KIF6: variants seen among roughly 807,000 people sequenced by gnomAD.
KIF6 encodes the protein kinesin family member 6.
KIF6 carries 106 observed loss-of-function variants against 112.7 expected under a neutral mutation model. The observed-to-expected ratio is 0.94, with a 90% CI of 0.80 to 1.11. KIF6 has a LOEUF of 1.11. KIF6 is among the 50% of genes least tolerant of loss of function. The probability of loss-of-function intolerance (pLI) is 0.00; values close to 1 mark genes in which losing one functional copy is unlikely to be tolerated. For missense variants in KIF6, 929 were observed against 964.0 expected (o/e 0.96, Z 0.48); for synonymous variants, 339 against 339.9 (o/e 1.00, Z 0.03).
chr6:39,348,448 G>A (rs1230543186), intron 19 of KIF6, among the ~76,000 whole-genome samples: 1 of 152,142 alleles, frequency 6.6e-6, no homozygotes, highest in African/African-American at 2.4e-5. Context: ...GGGCTCTCGA[G>A]GGAAATGACT....
At chr6:39,448,856 A>G (rs1305644113) in intron 13 of KIF6, among the ~76,000 whole-genome samples, 2 of 152,198 alleles carry the variant, frequency 1.3e-5, no homozygotes, top group African/African-American at 4.8e-5. Flanking sequence ...GGCATATCAA[A>G]CTTAACATAC....
chr6:39,649,487 C>T lies in KIF6; in HGVS notation c.252-9730G>A, dbSNP rs570480914. ...CATACTGGTTATTAAACTAGAGTCACAAAGAAAGAGACCCACAGGCAAAAT... is the reference window on the plus strand; with the variant it reads ...CATACTGGTTATTAAACTAGAGTCATAAAGAAAGAGACCCACAGGCAAAAT... On this transcript the variant is annotated intron_variant, in intron 3 of 22. Coordinates refer to ENST00000287152, the MANE Select transcript of KIF6 (RefSeq NM_145027.6). Among the ~76,000 whole-genome samples, 37 of 152,260 alleles carry T rather than the reference C, an allele frequency of 2.4e-4. No individual in the cohort carries two copies. In the South Asian group the frequency reaches 7.5e-3, roughly 31 times the overall value.
chr6:39,620,556 T>C (rs532876444), intron 5 of KIF6: 1 of 152,254 alleles, frequency 6.6e-6, no homozygotes, highest in African/African-American at 2.4e-5. Flanking sequence ...TTATTATTTT[T>C]CCAACTATAA....
intron 4 of KIF6, among the ~76,000 whole-genome samples, chr6:39,637,848 C>T (rs530597067): frequency 2.0e-5 from 3 of 152,000 alleles, no homozygotes; most frequent in South Asian, 2.1e-4. Flanking sequence ...CCAATGGGCT[C>T]GCTGCAAGTC....
At chr6:39,706,452 T>A (rs1024073820) in intron 3 of KIF6, among the ~76,000 whole-genome samples, 4 of 152,234 alleles carry the variant, frequency 2.6e-5, no homozygotes, top group Non-Finnish European at 5.9e-5. Context: ...ATGGAGCTTG[T>A]CAAGGTCATC....
chr6:39,543,382 GT>G (rs1778899567), intron 12 of KIF6, among the ~76,000 whole-genome samples: 1 of 152,092 alleles, frequency 6.6e-6, no homozygotes, highest in Non-Finnish European at 1.5e-5. Context: ...GTGTGTGTGT[GT>G]GGGTGGGGGG....
At chr6:39,476,433 T>C (rs1252180357) in intron 13 of KIF6, among the ~76,000 whole-genome samples, 1 of 152,112 alleles carries the variant, frequency 6.6e-6, no homozygotes, top group Non-Finnish European at 1.5e-5. Context: ...TTGTGGCTTA[T>C]GGTATTTTGA....
At chr6:39,464,471 TC>T (rs1273416724) in intron 13 of KIF6, among the ~76,000 whole-genome samples, 1 of 152,132 alleles carries the variant, frequency 6.6e-6, no homozygotes, top group Non-Finnish European at 1.5e-5. Context: ...AACTTAAGGG[TC>T]CCAGTGAAGT....
chr6:39,577,757 GTGTTT>G (rs1781049647), intron 10 of KIF6, among the ~76,000 whole-genome samples: 1 of 152,192 alleles, frequency 6.6e-6, no homozygotes, highest in Non-Finnish European at 1.5e-5. Flanking sequence ...TTTGGTGTGT[GTGTTT>G]TAAAATTGCA....
At chr6:39,598,192 TA>T (rs1782380424) in intron 6 of KIF6, among the ~76,000 whole-genome samples, 1 of 151,512 alleles carries the variant, frequency 6.6e-6, no homozygotes, top group Non-Finnish European at 1.5e-5. Flanking sequence ...ATCTCAAAAA[TA>T]AATAAATAAA....
intron 11 of KIF6, among the ~76,000 whole-genome samples, chr6:39,545,077 T>G (rs1778994756): frequency 6.6e-6 from 1 of 152,244 alleles, no homozygotes; most frequent in African/African-American, 2.4e-5. Flanking sequence ...CTCCATGACT[T>G]GCTTATTAAA....
At chr6:39,449,589 T>C (rs553267494) in intron 13 of KIF6, among the ~76,000 whole-genome samples, 36 of 152,336 alleles carry the variant, frequency 2.4e-4, no homozygotes, top group African/African-American at 7.0e-4. Flanking sequence ...TATCCTTCCT[T>C]AGCACTTATC....
At chr6:39,414,396 C>G (rs1365349230) in intron 15 of KIF6, among the ~76,000 whole-genome samples, 7 of 152,206 alleles carry the variant, frequency 4.6e-5, no homozygotes, top group Non-Finnish European at 1.0e-4. Flanking sequence ...TTCTCCAAAC[C>G]ACTGAAAATG....
intron 13 of KIF6, among the ~76,000 whole-genome samples, chr6:39,533,711 T>C (rs1778223674): frequency 6.6e-6 from 1 of 152,212 alleles, no homozygotes; most frequent in African/African-American, 2.4e-5. Flanking sequence ...AGAGCAGTGG[T>C]TCTCCCAGCA....
chr6:39,358,629 C>T (rs897545510), intron 18 of KIF6, among the ~76,000 whole-genome samples: 3 of 152,214 alleles, frequency 2.0e-5, no homozygotes, highest in African/African-American at 7.2e-5. Context: ...GGGAAGGCCT[C>T]ATTCACTGAT....
At chr6:39,481,778 C>T (rs1392424327) in intron 13 of KIF6, among the ~76,000 whole-genome samples, 2 of 152,106 alleles carry the variant, frequency 1.3e-5, no homozygotes, top group Admixed American at 1.3e-4. Context: ...ATCCCTGTGC[C>T]TTTGCTTGAG....
At position 39,360,475 on chromosome 6, in the gene KIF6, G is replaced by C; in HGVS notation, c.2002C>G (p.Gln668Glu). The change falls in exon 18 of 23, where the codon CAG becomes GAG. Residue 668 changes from glutamine to glutamate, a missense_variant. Coordinates refer to ENST00000287152, the MANE Select transcript of KIF6 (RefSeq NM_145027.6). ...ACCTTGGCTTTGTCCATGAGCAGCT[G>C]CAAGTGCTCGATCTCCACCTTCAGG... ...KALKVEIEHL[Q>E]LLMDKAKVKL... 2 of 1,614,008 alleles carry C rather than the reference G, an allele frequency of 1.2e-6. No homozygotes were observed. Among genetic ancestry groups the C allele is most frequent in the Non-Finnish European group, 1.7e-6 (2 of 1,179,954 alleles).
At chr6:39,421,378 A>G (rs1037122108) in intron 14 of KIF6, among the ~76,000 whole-genome samples, 3 of 152,180 alleles carry the variant, frequency 2.0e-5, no homozygotes, top group Non-Finnish European at 4.4e-5. Context: ...TTTTATTTCA[A>G]CTATTTCCCC....
chr6:39,506,408 G>T (rs1243466359), intron 13 of KIF6, among the ~76,000 whole-genome samples: 1 of 152,080 alleles, frequency 6.6e-6, no homozygotes, highest in Non-Finnish European at 1.5e-5. Context: ...GCTAATACAT[G>T]CAGGGCCTAA....
Sources: gnomAD v4.1 joint callset for allele counts (sites outside exome capture counted in the v4.1 genomes callset) on GRCh38, gnomAD v4.1.1 for gene constraint, MANE v1.5 for transcripts, NCBI Gene and HGNC (gene_info 2026-07-23, HGNC 2026-07-21) for gene names.